The following DACH2 variants were observed in gnomAD, a reference collection of about 807,000 sequenced individuals.
DACH2 encodes dachshund family transcription factor 2, also known as dachshund homolog 2.
In DACH2, 17 loss-of-function variants were observed where a neutral mutation model predicts 35.8. The observed-to-expected ratio is 0.48, with a 90% confidence interval of 0.33 to 0.71. The LOEUF (loss-of-function observed/expected upper bound fraction) is 0.71, where lower values mean the gene tolerates loss of function less well. Ranked by LOEUF, DACH2 falls within the 30% of genes least tolerant of loss-of-function variation. The probability of loss-of-function intolerance (pLI) is 0.02; values close to 1 mark genes in which losing one functional copy is unlikely to be tolerated. For missense variants in DACH2, 469 were observed against 472.7 expected, an observed-to-expected ratio of 0.99 and a Z score of 0.07; for synonymous variants, 195 against 177.3, an observed-to-expected ratio of 1.10 and a Z score of -0.79.
At chrX:86,333,194 T>A (rs1251720742) in intron 1 of DACH2, among the ~76,000 whole-genome samples, 2 of 112,081 alleles carry the variant, frequency 1.8e-5, no homozygotes, top group African/African-American at 6.5e-5. Flanking sequence ...ATTTTTGAAG[T>A]TTTTAGACTT....
intron 5 of DACH2, among the ~76,000 whole-genome samples, chrX:86,709,738 A>T (rs2041257518): frequency 8.9e-6 from 1 of 112,367 alleles, no homozygotes; most frequent in African/African-American, 3.2e-5. Flanking sequence ...CAAAAGTCGT[A>T]AACAGACATC....
chrX:86,515,066 T>G (rs2148271348), intron 3 of DACH2, among the ~76,000 whole-genome samples: 1 of 111,676 alleles, frequency 9.0e-6, no homozygotes, highest in Admixed American at 9.6e-5. Context: ...TTAAAGCTAT[T>G]ACATCATAGA....
intron 1 of DACH2, among the ~76,000 whole-genome samples, chrX:86,319,719 G>A (rs1289925910): frequency 2.7e-5 from 3 of 112,079 alleles, no homozygotes; most frequent in Non-Finnish European, 5.6e-5. Flanking sequence ...TATTTTTAAA[G>A]ATTAAAGTTC....
At chrX:86,441,304 C>T (rs2037157220) in intron 2 of DACH2, among the ~76,000 whole-genome samples, 1 of 111,450 alleles carries the variant, frequency 9.0e-6, no homozygotes, top group East Asian at 2.8e-4. Flanking sequence ...AACCATCATT[C>T]TCCTCTCTGT....
At chrX:86,814,062 A>T (rs1453487758) in intron 9 of DACH2, among the ~76,000 whole-genome samples, 2 of 110,928 alleles carry the variant, frequency 1.8e-5, no homozygotes, top group Non-Finnish European at 3.8e-5. Context: ...GCGGTCCATC[A>T]TTGACGGAAA....
At chrX:86,151,086 A>T (rs1385149098) in intron 1 of DACH2, among the ~76,000 whole-genome samples, 1 of 111,418 alleles carries the variant, frequency 9.0e-6, no homozygotes, top group Non-Finnish European at 1.9e-5. Flanking sequence ...TATGATTTTG[A>T]TACTTTTCTC....
At chrX:86,337,774 G>T (rs1166166726) in intron 1 of DACH2, among the ~76,000 whole-genome samples, 1 of 111,699 alleles carries the variant, frequency 9.0e-6, no homozygotes, top group African/African-American at 3.3e-5. Flanking sequence ...TGGCAAATTG[G>T]ATAAAGAGTC....
chrX:86,471,829 C>T (rs1308925132), intron 2 of DACH2, among the ~76,000 whole-genome samples: 3 of 111,393 alleles, frequency 2.7e-5, no homozygotes, highest in Non-Finnish European at 5.7e-5. Context: ...GGTGACTGTA[C>T]TTAATAACCA....
At chrX:86,620,864 C>A (rs758831352) in intron 3 of DACH2, among the ~76,000 whole-genome samples, 1 of 109,803 alleles carries the variant, frequency 9.1e-6, no homozygotes, top group African/African-American at 3.3e-5. Context: ...CAAGTAGATT[C>A]GAGAGGATCT....
intron 5 of DACH2, among the ~76,000 whole-genome samples, chrX:86,695,701 C>T (rs1315686979): frequency 1.8e-5 from 2 of 109,405 alleles, no homozygotes; most frequent in South Asian, 4.0e-4. Context: ...TTAATAAAGA[C>T]GGGGTTTCAC....
intron 1 of DACH2, among the ~76,000 whole-genome samples, chrX:86,245,228 C>T (rs747082093): frequency 8.1e-5 from 9 of 111,682 alleles, no homozygotes; most frequent in Non-Finnish European, 1.1e-4. Context: ...TACCCCACCC[C>T]GCCACTGTCA....
intron 7 of DACH2, among the ~76,000 whole-genome samples, chrX:86,767,414 T>C (rs1476481056): frequency 8.9e-6 from 1 of 111,923 alleles, no homozygotes; most frequent in East Asian, 2.8e-4. Flanking sequence ...TCAAATGATA[T>C]TTGCATTTTC....
chrX:86,308,855 G>A (rs775362182), intron 1 of DACH2, among the ~76,000 whole-genome samples: 1 of 111,321 alleles, frequency 9.0e-6, no homozygotes, highest in East Asian at 2.9e-4. Flanking sequence ...GGCTTATGGA[G>A]GTCAGGTAAT....
At chrX:86,423,802 T>G (rs760037446) in intron 2 of DACH2, among the ~76,000 whole-genome samples, 7 of 110,984 alleles carry the variant, frequency 6.3e-5, no homozygotes, top group Non-Finnish European at 1.1e-4. Flanking sequence ...GGTCTTAGAT[T>G]TAGGTCTTCA....
chrX:86,398,367 GT>G (rs1437422829), intron 2 of DACH2, among the ~76,000 whole-genome samples: 41 of 112,247 alleles, frequency 3.7e-4, no homozygotes, highest in African/African-American at 5.8e-4. Context: ...TTTTTGAAGG[GT>G]TTTTTTGTGT....
At chrX:86,530,273 A>G (rs1049053956) in intron 3 of DACH2, among the ~76,000 whole-genome samples, 1 of 111,876 alleles carries the variant, frequency 8.9e-6, no homozygotes, top group Non-Finnish European at 1.9e-5. Flanking sequence ...AGAGGGAAAT[A>G]TAGATTTTCT....
intron 7 of DACH2, among the ~76,000 whole-genome samples, chrX:86,778,126 C>T (rs776730567): frequency 1.8e-4 from 20 of 111,373 alleles, no homozygotes; most frequent in African/African-American, 6.2e-4. Context: ...CTTTGATATA[C>T]TGATTTCATT....
At chrX:86,348,272 G>A (rs2035529877) in intron 1 of DACH2, among the ~76,000 whole-genome samples, 1 of 112,037 alleles carries the variant, frequency 8.9e-6, no homozygotes, top group Non-Finnish European at 1.9e-5. Context: ...AGGTTTATGA[G>A]TGATGTGATG....
At chrX:86,160,072 C>A (rs1028310655) in intron 1 of DACH2, among the ~76,000 whole-genome samples, 6 of 110,214 alleles carry the variant, frequency 5.4e-5, no homozygotes, top group Non-Finnish European at 1.1e-4. Flanking sequence ...CAAAGTGTTC[C>A]ACAAAACATT....
Sources: allele counts gnomAD v4.1 joint callset (sites outside exome capture counted in the v4.1 genomes callset), GRCh38; gene constraint gnomAD v4.1.1; transcripts MANE v1.5; gene names NCBI Gene and HGNC (gene_info 2026-07-23, HGNC 2026-07-21).